The following CDH13 variants were observed in gnomAD, a reference collection of about 807,000 sequenced individuals.
CDH13 encodes cadherin-13.
In CDH13, 24 loss-of-function variants were observed where a neutral mutation model predicts 63.8. The observed-to-expected ratio is 0.38, with a 90% CI of 0.27 to 0.53. The LOEUF (loss-of-function observed/expected upper bound fraction) is 0.53. Among genes scored for constraint, CDH13 ranks in the 20% least tolerant of loss-of-function variants. CDH13 has a pLI of 0.85. For synonymous variants in CDH13, 503 were observed against 355.3 expected (o/e 1.42, Z -4.67); for missense variants, 1,049 against 903.1 (o/e 1.16, Z -2.07).
chr16:83,489,144 G>A (rs962130636), intron 7 of CDH13, among the ~76,000 whole-genome samples: 2 of 152,138 alleles, frequency 1.3e-5, no homozygotes, highest in African/African-American at 4.8e-5. Flanking sequence ...TTTGTTCTGA[G>A]AGAAAATATT....
At chr16:83,379,289 C>T (rs1053957810) in intron 6 of CDH13, among the ~76,000 whole-genome samples, 1 of 152,262 alleles carries the variant, frequency 6.6e-6, no homozygotes, top group African/African-American at 2.4e-5. Flanking sequence ...AGATACGAAG[C>T]TTGAGTCAAG....
intron 3 of CDH13, among the ~76,000 whole-genome samples, chr16:83,043,871 A>T (rs542815746): frequency 2.6e-4 from 39 of 152,192 alleles, no homozygotes; most frequent in African/African-American, 9.2e-4. Context: ...TTCATAAGAT[A>T]CCTTTTTACA....
intron 1 of CDH13, among the ~76,000 whole-genome samples, chr16:82,704,738 C>T (rs979812651): frequency 9.9e-5 from 15 of 152,210 alleles, no homozygotes; most frequent in African/African-American, 3.6e-4. Flanking sequence ...TTATTAGAAT[C>T]TGCTTTGCAC....
intron 1 of CDH13, among the ~76,000 whole-genome samples, chr16:82,698,943 T>C (rs967138293): frequency 5.3e-5 from 8 of 152,094 alleles, no homozygotes; most frequent in African/African-American, 1.9e-4. Context: ...AATAATCCTT[T>C]AAAAATGTAA....
At chr16:83,401,606 C>G (rs2091969030) in intron 6 of CDH13, among the ~76,000 whole-genome samples, 1 of 152,030 alleles carries the variant, frequency 6.6e-6, no homozygotes, top group South Asian at 2.1e-4. Flanking sequence ...ATACTTTAAA[C>G]CTCACAACAA....
At chr16:83,392,673 T>C (rs917293297) in intron 6 of CDH13, among the ~76,000 whole-genome samples, 9 of 152,084 alleles carry the variant, frequency 5.9e-5, no homozygotes, top group Non-Finnish European at 1.2e-4. Context: ...CCCTAAGTCG[T>C]GATATAAAAC....
At chr16:83,709,434 C>A (rs1414810121) in intron 10 of CDH13, among the ~76,000 whole-genome samples, 3 of 152,224 alleles carry the variant, frequency 2.0e-5, no homozygotes, top group Non-Finnish European at 4.4e-5. Context: ...AGCATTCATC[C>A]ATGCACACCC....
intron 3 of CDH13, among the ~76,000 whole-genome samples, chr16:83,035,414 G>T (rs1432893573): frequency 6.6e-6 from 1 of 152,198 alleles, no homozygotes; most frequent in Non-Finnish European, 1.5e-5. Flanking sequence ...TGTGCCAGGT[G>T]TTGCTCCATG....
rs1389979462 is a variant in CDH13 at position 82,800,829 on chromosome 16, T to A, written c.46-57533T>A. Among the ~76,000 whole-genome samples the A allele has an allele frequency of 2.0e-5, 3 of 152,228 alleles. No homozygotes were observed. The South Asian group carries it at 6.2e-4, about 32-fold the overall frequency. On this transcript the variant is annotated intron_variant, in intron 1 of 13. Transcript: ENST00000567109. ...TCAGATGAGAAATCTGGAGTCATGT[T>A]GAGTTTGGTTATTTTACTCATTTGT...
At position 83,047,805 on chromosome 16, in the gene CDH13, G is replaced by C. The variant is rs530161146; in HGVS notation, c.366+15587G>C. Among the ~76,000 whole-genome samples, 16 of 152,314 alleles carry C rather than the reference G, an allele frequency of 1.1e-4. No homozygotes were observed. Among genetic ancestry groups the C allele is most frequent in the East Asian group, 1.9e-4 (1 of 5,186 alleles). On this transcript the variant is annotated intron_variant, in intron 3 of 13. Transcript: ENST00000567109. The surrounding 1 kb of genome is among the most constrained non-coding windows in gnomAD (Gnocchi z 4.9). The stretch of plus-strand genomic sequence containing the variant: ...AACGTTGTGCGGGGCACCACTTTAA[G>C]TGCATTTCTTACATTAAGTCATATA...
At chr16:83,012,100 C>T (rs1270248867) in intron 2 of CDH13, among the ~76,000 whole-genome samples, 2 of 152,234 alleles carry the variant, frequency 1.3e-5, no homozygotes, top group South Asian at 4.1e-4. Context: ...TGGTGATACA[C>T]TGGCTTAAAA....
intron 1 of CDH13, among the ~76,000 whole-genome samples, chr16:82,765,399 T>C (rs997262410): frequency 2.0e-5 from 3 of 152,150 alleles, no homozygotes; most frequent in Non-Finnish European, 4.4e-5. Flanking sequence ...TGCCCAGCTC[T>C]AAAAGTCTTA....
intron 4 of CDH13, among the ~76,000 whole-genome samples, chr16:83,134,586 A>AGAGAGT: frequency 1.7e-5 from 1 of 57,160 alleles, no homozygotes; most frequent in Non-Finnish European, 3.2e-5. Flanking sequence ...AGAGAGAGAG[A>AGAGAGT]GAGAGAGTGA....
At chr16:82,869,245 C>T (rs1404103501) in intron 2 of CDH13, among the ~76,000 whole-genome samples, 2 of 152,100 alleles carry the variant, frequency 1.3e-5, no homozygotes, top group African/African-American at 4.8e-5. Flanking sequence ...AAAGTTTTGC[C>T]ATGTTGGCCA....
At chr16:83,087,599 C>T (rs943983223) in intron 3 of CDH13, among the ~76,000 whole-genome samples, 10 of 134,208 alleles carry the variant, frequency 7.5e-5, no homozygotes, top group East Asian at 7.2e-4. Context: ...ACGCGGGAGC[C>T]GGAGGTCACA....
chr16:82,705,735 A>G (rs2031433156), intron 1 of CDH13, among the ~76,000 whole-genome samples: 1 of 152,212 alleles, frequency 6.6e-6, no homozygotes, highest in Non-Finnish European at 1.5e-5. Context: ...AAGAAGATTA[A>G]GAGGCTGTGC....
intron 2 of CDH13, among the ~76,000 whole-genome samples, chr16:82,966,885 G>A (rs34507181): frequency 0.018 from 2,791 of 152,006 alleles, 55 homozygotes; most frequent in Non-Finnish European, 0.025. Flanking sequence ...GCAAATTAAC[G>A]CTATTAAAAA....
Position 83,377,758 on chromosome 16 carries a change from A to G in CDH13, c.781+32752A>G, listed in dbSNP as rs138721582. ...ACCAGAAACCCATGTTTTGGGAGTC[A>G]ATAGAATAGATCAGAGCAAAGACAA... On this transcript the variant is annotated intron_variant, in intron 6 of 13. Coordinates refer to ENST00000567109, the MANE Select transcript of CDH13 (RefSeq NM_001257.5). 5.3e-3 allele frequency among the ~76,000 whole-genome samples: 806 copies of G among 152,300 alleles called. 6 individuals are homozygous for G. The highest frequency in any genetic ancestry group is 0.024 in the Middle Eastern group (7 of 294).
intron 10 of CDH13, among the ~76,000 whole-genome samples, chr16:83,731,574 G>A (rs950693424): frequency 2.6e-5 from 4 of 152,216 alleles, no homozygotes; most frequent in Non-Finnish European, 5.9e-5. Flanking sequence ...TTTGTTGGAA[G>A]CATAATTTGT....
Sources: gnomAD v4.1 joint callset for allele counts (sites outside exome capture counted in the v4.1 genomes callset) on GRCh38, gnomAD v4.1.1 for gene constraint, Gnocchi (gnomAD v3.1) non-coding constraint, MANE v1.5 for transcripts, NCBI Gene and HGNC (gene_info 2026-07-23, HGNC 2026-07-21) for gene names.